The following SHANK2 variants were observed in gnomAD, a reference collection of about 807,000 sequenced individuals.
The protein encoded by SHANK2 is SH3 and multiple ankyrin repeat domains protein 2.
Under a neutral mutation model 133.7 loss-of-function variants are expected in SHANK2, and 43 were observed. The observed-to-expected ratio is 0.32, with a 90% confidence interval of 0.25 to 0.41. The LOEUF is 0.41. SHANK2 is among the 10% of genes least tolerant of loss of function. SHANK2 has a pLI of 1.00. For synonymous variants in SHANK2, 1,017 were observed against 952.8 expected, an observed-to-expected ratio of 1.07 and a Z score of -1.24; for missense variants, 1,994 against 2,235.8, an observed-to-expected ratio of 0.89 and a Z score of 2.18.
chr11:71,075,633 C>T (rs1210395703), intron 8 of SHANK2, among the ~76,000 whole-genome samples: 1 of 152,168 alleles, frequency 6.6e-6, no homozygotes, highest in African/African-American at 2.4e-5. Context: ...CCCAGCTCCA[C>T]AAGATGCAAA....
Position 70,787,129 on chromosome 11 carries a change from C to T in SHANK2, c.1777+11314G>A, listed in dbSNP as rs111211152. On this transcript the variant is annotated intron_variant, in intron 14 of 25. Coordinates refer to ENST00000601538, the MANE Select transcript of SHANK2 (RefSeq NM_012309.5). ...TCACCATGACCACCACCAGCATCAC[C>T]ACCATCACCAAGATCACCACCACCA... is the stretch of plus-strand genomic sequence containing the variant. Among the ~76,000 whole-genome samples, 54 of 151,584 alleles carry T rather than the reference C, an allele frequency of 3.6e-4. 1 individual carries two copies. The highest frequency in any genetic ancestry group is 1.3e-3 in the African/African-American group (52 of 41,282).
chr11:70,708,251 G>A (rs2134561346), intron 14 of SHANK2, among the ~76,000 whole-genome samples: 2 of 151,934 alleles, frequency 1.3e-5, no homozygotes, highest in East Asian at 1.9e-4. Context: ...TACCCAAGAC[G>A]TCATCTCAGG....
At chr11:70,515,003 G>C (rs1190741328) in intron 17 of SHANK2, among the ~76,000 whole-genome samples, 1 of 152,216 alleles carries the variant, frequency 6.6e-6, no homozygotes, top group Non-Finnish European at 1.5e-5. Context: ...GTTAATAAAT[G>C]AGAAAAGACA....
At chr11:70,583,110 G>A (rs1411536968) in intron 17 of SHANK2, among the ~76,000 whole-genome samples, 3 of 152,178 alleles carry the variant, frequency 2.0e-5, no homozygotes, top group Admixed American at 2.0e-4. Context: ...CTGGGGCAGG[G>A]GCACTGGGCT....
In SHANK2 at chr11:70,890,965, C is replaced by CA. The variant is rs113710731; in HGVS notation, c.1174+5535dup. ...GGTGACAGAGTGATAGACTCCGCCT[C>CA]AAAAAAAAAAAAAAGAGTTGTCACG... On this transcript the variant is annotated intron_variant, in intron 11 of 25. Coordinates refer to ENST00000601538, the MANE Select transcript of SHANK2 (RefSeq NM_012309.5). Among the ~76,000 whole-genome samples, 355 of 121,688 alleles carry CA rather than the reference C, an allele frequency of 2.9e-3. 1 individual carries two copies. Among genetic ancestry groups the CA allele is most frequent in the East Asian group, 0.012 (51 of 4,170 alleles). The allele number at this position is 121,688 out of a possible 152,430, so 79.8% of individuals were successfully genotyped here.
chr11:70,588,606 A>G (rs1427866633), intron 17 of SHANK2, among the ~76,000 whole-genome samples: 2 of 152,226 alleles, frequency 1.3e-5, no homozygotes, highest in Non-Finnish European at 2.9e-5. Flanking sequence ...CTGCAATTCT[A>G]TGAAGACTGA....
At chr11:71,099,009 C>A (rs1029770336) in intron 6 of SHANK2, among the ~76,000 whole-genome samples, 1 of 152,094 alleles carries the variant, frequency 6.6e-6, no homozygotes, top group Non-Finnish European at 1.5e-5. Context: ...GACGGGCCCT[C>A]GGCACCAGGT....
At chr11:70,763,012 C>A (rs1947027690) in intron 14 of SHANK2, among the ~76,000 whole-genome samples, 2 of 152,216 alleles carry the variant, frequency 1.3e-5, no homozygotes. Flanking sequence ...TGGGCACATC[C>A]CTCCCAGCCA....
At chr11:70,829,699 A>G (rs1948698757) in intron 11 of SHANK2, among the ~76,000 whole-genome samples, 1 of 152,288 alleles carries the variant, frequency 6.6e-6, no homozygotes, top group South Asian at 2.1e-4. Context: ...CCTTTTCCAG[A>G]CACCTTCAAT....
chr11:71,098,192 T>TGTGTACATGCCTGTGC (rs1555095925), intron 6 of SHANK2, among the ~76,000 whole-genome samples: 3 of 151,226 alleles, frequency 2.0e-5, no homozygotes, highest in Non-Finnish European at 4.4e-5. Flanking sequence ...CCTGTGTGTA[T>TGTGTACATGCCTGTGC]GTGTACATGC....
In SHANK2 at chr11:71,133,008, G is replaced by T. The variant is rs569311130; in HGVS notation, c.208-13976C>A. On this transcript the variant is annotated intron_variant, in intron 3 of 25. Coordinates refer to ENST00000601538, the MANE Select transcript of SHANK2 (RefSeq NM_012309.5). Reference sequence around the variant, plus strand: ...TAATGAAACCACAATCAGATTCCATGCCTTCTACCTCCCCAAGAGGTAATC... The same window carrying T: ...TAATGAAACCACAATCAGATTCCATTCCTTCTACCTCCCCAAGAGGTAATC... Among the ~76,000 whole-genome samples, 5 of 152,276 alleles carry T rather than the reference G, an allele frequency of 3.3e-5. No individual in the cohort carries two copies. In the South Asian group the frequency reaches 6.2e-4, roughly 19 times the overall value.
At chr11:70,512,775 T>C (rs2135887407) in intron 17 of SHANK2, among the ~76,000 whole-genome samples, 1 of 152,364 alleles carries the variant, frequency 6.6e-6, no homozygotes, top group Admixed American at 6.5e-5. Flanking sequence ...ATCTCCTGAA[T>C]CCCTGTATTT....
At chr11:70,611,983 G>T (rs11827559) in intron 17 of SHANK2, among the ~76,000 whole-genome samples, 1 of 150,270 alleles carries the variant, frequency 6.7e-6, no homozygotes, top group Non-Finnish European at 1.5e-5. Flanking sequence ...GGTGGCGAGG[G>T]GCGTGAACAC....
intron 22 of SHANK2, among the ~76,000 whole-genome samples, chr11:70,492,102 C>T (rs1006885636): frequency 7.9e-5 from 12 of 152,204 alleles, no homozygotes; most frequent in Non-Finnish European, 1.6e-4. Context: ...CTTCGAGGCT[C>T]AGGGCACTGA....
At chr11:70,502,014 G>T (rs1008916226) in intron 19 of SHANK2, 83 bp from the exon 20 acceptor site, 4 of 1,469,072 alleles carry the variant, frequency 2.7e-6, no homozygotes, top group Middle Eastern at 1.7e-4. Flanking sequence ...ACAACGCCCC[G>T]CGAGGCTCCG....
intron 10 of SHANK2, among the ~76,000 whole-genome samples, chr11:70,922,176 G>A (rs1046030233): frequency 2.0e-5 from 3 of 152,162 alleles, no homozygotes; most frequent in African/African-American, 7.2e-5. Flanking sequence ...CGGATTACAT[G>A]TAGGAGATGG....
At chr11:70,947,630 T>C (rs1950767161) in intron 10 of SHANK2, among the ~76,000 whole-genome samples, 1 of 152,182 alleles carries the variant, frequency 6.6e-6, no homozygotes, top group African/African-American at 2.4e-5. Context: ...CCTCCCAAAG[T>C]GCTGGGATTA....
intron 13 of SHANK2, among the ~76,000 whole-genome samples, chr11:70,806,737 C>G (rs541061630): frequency 3.0e-4 from 46 of 152,340 alleles, no homozygotes; most frequent in African/African-American, 1.1e-3. Context: ...CTGGCTCCCC[C>G]ACTGCCCTTC....
At chr11:71,226,715 A>T (rs1555122295) in intron 1 of SHANK2, 1 of 152,198 alleles carries the variant, frequency 6.6e-6, no homozygotes, top group Non-Finnish European at 1.5e-5. Context: ...ATGAAAGGAA[A>T]CAAAGGAAAT....
Sources: allele counts gnomAD v4.1 joint callset (sites outside exome capture counted in the v4.1 genomes callset), GRCh38; gene constraint gnomAD v4.1.1; transcripts MANE v1.5; gene names NCBI Gene and HGNC (gene_info 2026-07-23, HGNC 2026-07-21).